KCNB2: variants seen among roughly 807,000 people sequenced by gnomAD.
The protein encoded by KCNB2 is delayed rectifier potassium channel protein.
KCNB2 carries 15 observed loss-of-function variants against 61.5 expected under a neutral mutation model. The ratio of observed to expected loss-of-function variants is 0.24; its 90% CI spans 0.16 to 0.38. The LOEUF is 0.38. Among genes scored for constraint, KCNB2 ranks in the 10% least tolerant of loss-of-function variants. The pLI is 1.00. For missense variants in KCNB2, 828 were observed against 1,125.2 expected, an observed-to-expected ratio of 0.74 and a Z score of 3.78; for synonymous variants, 457 against 446.0, an observed-to-expected ratio of 1.02 and a Z score of -0.31.
chr8:72,788,622 C>A (rs910891720), intron 2 of KCNB2, among the ~76,000 whole-genome samples: 1 of 151,898 alleles, frequency 6.6e-6, no homozygotes, highest in African/African-American at 2.4e-5. Flanking sequence ...AGAAATGACC[C>A]GTCATGAAGG....
intron 2 of KCNB2, among the ~76,000 whole-genome samples, chr8:72,865,202 C>T (rs1327060259): frequency 6.6e-6 from 1 of 152,160 alleles, no homozygotes; most frequent in Non-Finnish European, 1.5e-5. Flanking sequence ...CTCAGAAACG[C>T]CTGAGGGTCC....
At chr8:72,627,939 G>T (rs1220573919) in intron 2 of KCNB2, among the ~76,000 whole-genome samples, 1 of 151,972 alleles carries the variant, frequency 6.6e-6, no homozygotes. Flanking sequence ...TTTCCCTGAT[G>T]ACTTTTTTTT....
chr8:72,700,013 G>A (rs900438301), intron 2 of KCNB2, among the ~76,000 whole-genome samples: 5 of 152,006 alleles, frequency 3.3e-5, no homozygotes, highest in African/African-American at 7.2e-5. Flanking sequence ...ACTATGCAGC[G>A]AGAAAAAAAG....
intron 2 of KCNB2, among the ~76,000 whole-genome samples, chr8:72,663,397 G>A (rs562392661): frequency 6.6e-6 from 1 of 152,012 alleles, no homozygotes; most frequent in East Asian, 1.9e-4. Flanking sequence ...GGGTAGCAGT[G>A]TTCTTTAAAA....
intron 1 of KCNB2, among the ~76,000 whole-genome samples, chr8:72,540,256 T>C (rs1184908422): frequency 6.6e-6 from 1 of 152,138 alleles, no homozygotes; most frequent in Non-Finnish European, 1.5e-5. Context: ...ACTTGCTATC[T>C]CTTAAAGACT....
intron 2 of KCNB2, among the ~76,000 whole-genome samples, chr8:72,821,855 GAGAC>G (rs1563395229): frequency 6.6e-6 from 1 of 152,106 alleles, no homozygotes; most frequent in Non-Finnish European, 1.5e-5. Flanking sequence ...CGGAGACAGA[GAGAC>G]AAAGGGAATC....
At chr8:72,720,525 C>G (rs528940986) in intron 2 of KCNB2, among the ~76,000 whole-genome samples, 27 of 152,302 alleles carry the variant, frequency 1.8e-4, no homozygotes, top group African/African-American at 6.3e-4. Context: ...TCTCCACACT[C>G]TTCCCATCAT....
chr8:72,810,938 G>A (rs1438708320), intron 2 of KCNB2, among the ~76,000 whole-genome samples: 2 of 152,126 alleles, frequency 1.3e-5, no homozygotes, highest in Non-Finnish European at 2.9e-5. Flanking sequence ...ATGAATCATG[G>A]CTGAATTTAT....
chr8:72,891,730 G>A (rs1039943147), intron 2 of KCNB2, among the ~76,000 whole-genome samples: 5 of 152,160 alleles, frequency 3.3e-5, no homozygotes, highest in African/African-American at 1.2e-4. Context: ...AACCAAAGCT[G>A]GTTATCATCC....
Position 72,796,984 on chromosome 8 carries a change from A to G in KCNB2, c.580-138951A>G, listed in dbSNP as rs16938374. 6.3e-3 allele frequency among the ~76,000 whole-genome samples: 964 copies of G among 152,320 alleles called. 13 individuals are homozygous for G. The highest frequency in any genetic ancestry group is 0.031 in the South Asian group (150 of 4,824). The stretch of plus-strand genomic sequence containing the variant: ...TGTTTTTAGGTGAATCTGATAACCA[A>G]TTAGGATCAAGTGTGTGAAAGTGCT... On this transcript the variant is annotated intron_variant, in intron 2 of 2. Transcript: ENST00000523207.
chr8:72,793,020 A>G (rs1255805036), intron 2 of KCNB2, among the ~76,000 whole-genome samples: 2 of 152,192 alleles, frequency 1.3e-5, no homozygotes, highest in Non-Finnish European at 2.9e-5. Context: ...GAAACCTGTG[A>G]CTAGCTAGAC....
chr8:72,594,296 C>T (rs1422041519), intron 2 of KCNB2, among the ~76,000 whole-genome samples: 1 of 152,306 alleles, frequency 6.6e-6, no homozygotes, highest in South Asian at 2.1e-4. Context: ...TTGCACCCCC[C>T]TCATCCTCCT....
chr8:72,609,149 G>A (rs1805500007), intron 2 of KCNB2, among the ~76,000 whole-genome samples: 1 of 152,140 alleles, frequency 6.6e-6, no homozygotes, highest in South Asian at 2.1e-4. Context: ...AAGAGAATTT[G>A]TTCAACATCA....
chr8:72,659,726 A>G (rs547183670), intron 2 of KCNB2, among the ~76,000 whole-genome samples: 7 of 152,238 alleles, frequency 4.6e-5, no homozygotes, highest in Non-Finnish European at 7.3e-5. Flanking sequence ...GCCATCAACA[A>G]TGAGGGCAAG....
chr8:72,642,330 T>C (rs1806068215), intron 2 of KCNB2, among the ~76,000 whole-genome samples: 1 of 152,184 alleles, frequency 6.6e-6, no homozygotes, highest in South Asian at 2.1e-4. Context: ...ATTTTACTTA[T>C]TTGTTTTTAC....
chr8:72,818,411 C>A (rs1403493651), intron 2 of KCNB2, among the ~76,000 whole-genome samples: 2 of 152,122 alleles, frequency 1.3e-5, no homozygotes, highest in Non-Finnish European at 2.9e-5. Context: ...ACCAATACAA[C>A]CTTAGTTCCA....
intron 2 of KCNB2, among the ~76,000 whole-genome samples, chr8:72,919,903 T>C (rs938271849): frequency 1.3e-5 from 2 of 152,192 alleles, no homozygotes; most frequent in African/African-American, 4.8e-5. Context: ...GTTGAATATA[T>C]GCAGTAATGT....
At chr8:72,638,273 A>G (rs565660249) in intron 2 of KCNB2, among the ~76,000 whole-genome samples, 3 of 152,110 alleles carry the variant, frequency 2.0e-5, no homozygotes, top group South Asian at 2.1e-4. Context: ...TATCTTTCAC[A>G]TTACAGTGCA....
chr8:72,828,333 A>T (rs1410522570), intron 2 of KCNB2, among the ~76,000 whole-genome samples: 1 of 152,212 alleles, frequency 6.6e-6, no homozygotes, highest in Non-Finnish European at 1.5e-5. Context: ...AGTAATAAGC[A>T]TCCCATAAGT....
Sources: allele counts gnomAD v4.1 joint callset (sites outside exome capture counted in the v4.1 genomes callset), GRCh38; gene constraint gnomAD v4.1.1; transcripts MANE v1.5; gene names NCBI Gene and HGNC (gene_info 2026-07-23, HGNC 2026-07-21).